Variants in PRKG1 observed in about 807,000 individuals in gnomAD.
PRKG1 encodes the protein protein kinase cGMP-dependent 1, also known as cGMP-dependent protein kinase 1.
A neutral mutation model predicts 88.1 loss-of-function variants in PRKG1; 35 were observed. That is an observed-to-expected ratio of 0.40 (90% CI 0.30 to 0.53). The LOEUF is 0.53. Among genes scored for constraint, PRKG1 ranks in the 20% least tolerant of loss-of-function variants. The pLI is 0.59. For missense variants in PRKG1, 540 were observed against 839.8 expected, an observed-to-expected ratio of 0.64 and a Z score of 4.41; for synonymous variants, 303 against 292.5, an observed-to-expected ratio of 1.04 and a Z score of -0.37.
chr10:51,392,470 T>A (rs1320373173), intron 2 of PRKG1, among the ~76,000 whole-genome samples: 1 of 152,182 alleles, frequency 6.6e-6, no homozygotes, highest in Non-Finnish European at 1.5e-5. Context: ...ATCCACAGGA[T>A]CCCATGGCAG....
At chr10:51,773,468 G>T (rs892805674) in intron 3 of PRKG1, among the ~76,000 whole-genome samples, 2 of 151,942 alleles carry the variant, frequency 1.3e-5, no homozygotes, top group Non-Finnish European at 2.9e-5. Context: ...GACTGTAATT[G>T]TATCTTTCTG....
intron 9 of PRKG1, among the ~76,000 whole-genome samples, chr10:52,205,364 T>C (rs556065135): frequency 3.3e-5 from 5 of 152,188 alleles, no homozygotes; most frequent in African/African-American, 1.2e-4. Flanking sequence ...CCTGCCGATA[T>C]GTGATGTGTC....
At chr10:51,978,178 C>T (rs566594360) in intron 5 of PRKG1, among the ~76,000 whole-genome samples, 1 of 124,338 alleles carries the variant, frequency 8.0e-6, no homozygotes, top group Admixed American at 7.8e-5. Context: ...GCTAGTTATT[C>T]CAGCACCATT....
intron 3 of PRKG1, among the ~76,000 whole-genome samples, chr10:51,746,478 T>C (rs61113344): frequency 0.011 from 1,641 of 151,936 alleles, 32 homozygotes; most frequent in African/African-American, 0.038. Flanking sequence ...CCTTAGCACT[T>C]TGGGAGGCCG....
chr10:51,529,500 T>C (rs1841962153), intron 3 of PRKG1, among the ~76,000 whole-genome samples: 1 of 152,180 alleles, frequency 6.6e-6, no homozygotes, highest in Admixed American at 6.5e-5. Context: ...CCTGCTCACT[T>C]CTTTATAGCC....
intron 1 of PRKG1, among the ~76,000 whole-genome samples, chr10:50,999,506 G>GA (rs756721145): frequency 2.1e-4 from 32 of 152,082 alleles, no homozygotes; most frequent in Non-Finnish European, 3.2e-4. Flanking sequence ...GTCCAATTTA[G>GA]AGAGTACTTT....
intron 2 of PRKG1, among the ~76,000 whole-genome samples, chr10:51,361,952 A>G (rs562573620): frequency 6.6e-6 from 1 of 152,028 alleles, no homozygotes; most frequent in African/African-American, 2.4e-5. Context: ...TAGAAATCTT[A>G]GATCTGTTTT....
chr10:51,934,457 T>C (rs1050705877), intron 5 of PRKG1, among the ~76,000 whole-genome samples: 5 of 152,182 alleles, frequency 3.3e-5, no homozygotes, highest in East Asian at 1.9e-4. Context: ...TCATTTTGCA[T>C]TCGTTAAGAT....
intron 3 of PRKG1, among the ~76,000 whole-genome samples, chr10:51,628,687 C>CG (rs1045376763): frequency 6.6e-6 from 1 of 152,040 alleles, no homozygotes; most frequent in Non-Finnish European, 1.5e-5. Flanking sequence ...TGGCCGGGCG[C>CG]GGTGGCTCAC....
At chr10:51,816,265 G>C (rs186416011) in intron 4 of PRKG1, among the ~76,000 whole-genome samples, 2 of 152,134 alleles carry the variant, frequency 1.3e-5, no homozygotes, top group East Asian at 3.9e-4. Flanking sequence ...TCATTATGCT[G>C]GCCTCCCCCT....
At chr10:51,301,626 G>T (rs1840889698) in intron 2 of PRKG1, among the ~76,000 whole-genome samples, 1 of 152,200 alleles carries the variant, frequency 6.6e-6, no homozygotes, top group Admixed American at 6.5e-5. Flanking sequence ...ATTGGGAATA[G>T]GTCAGGGTGC....
intron 3 of PRKG1, among the ~76,000 whole-genome samples, chr10:51,620,928 G>A (rs950312017): frequency 2.7e-5 from 4 of 150,168 alleles, no homozygotes; most frequent in Admixed American, 2.0e-4. Flanking sequence ...GGAATCCACT[G>A]CAATTTCAAA....
chr10:51,161,489 G>A (rs1199325056), intron 2 of PRKG1, among the ~76,000 whole-genome samples: 1 of 152,200 alleles, frequency 6.6e-6, no homozygotes. Flanking sequence ...GGTATTACTG[G>A]TGGAAATGAG....
Position 51,310,108 on chromosome 10 carries a change from T to C in PRKG1, c.478+156778T>C, listed in dbSNP as rs2132487133. ...AGACTAAAAGGTGAGGGAGTAGAAT[T>C]GGGGGTAGATGTTGAGAAATTACCT... is the stretch of plus-strand genomic sequence containing the variant. On this transcript the variant is annotated intron_variant, in intron 2 of 17. Coordinates refer to ENST00000373980, the MANE Select transcript of PRKG1 (RefSeq NM_006258.4). Among the ~76,000 whole-genome samples, 4 of 152,262 alleles carry C rather than the reference T, an allele frequency of 2.6e-5. No individual in the cohort carries two copies. The South Asian group carries it at 8.3e-4, about 32-fold the overall frequency.
chr10:51,604,908 AG>A (rs1195224797), intron 3 of PRKG1, among the ~76,000 whole-genome samples: 4 of 152,226 alleles, frequency 2.6e-5, no homozygotes, highest in African/African-American at 7.2e-5. Flanking sequence ...TTGCAAGGAC[AG>A]GGGGCCATTG....
At chr10:51,961,394 AG>A (rs112786422) in intron 5 of PRKG1, among the ~76,000 whole-genome samples, 44,234 of 151,860 alleles carry the variant, frequency 0.29, 6,855 homozygotes, top group African/African-American at 0.35. Context: ...TTGAAAAAAA[AG>A]AATCTGCATT....
intron 2 of PRKG1, among the ~76,000 whole-genome samples, chr10:51,418,185 T>C (rs1838297522): frequency 1.3e-5 from 2 of 152,322 alleles, no homozygotes; most frequent in Middle Eastern, 3.4e-3. Context: ...CTCATGTATC[T>C]CATAAGAATT....
intron 5 of PRKG1, among the ~76,000 whole-genome samples, chr10:51,925,688 C>T (rs6480593): frequency 0.2 from 30,772 of 151,944 alleles, 5,137 homozygotes; most frequent in African/African-American, 0.46. Context: ...ATCACTTTTC[C>T]CCTAGATTTA....
intron 2 of PRKG1, among the ~76,000 whole-genome samples, chr10:51,313,949 A>G (rs1841256592): frequency 6.6e-6 from 1 of 152,168 alleles, no homozygotes; most frequent in African/African-American, 2.4e-5. Context: ...GGATGAATCC[A>G]TGGGTGTGGA....
Sources: allele counts gnomAD v4.1 joint callset (sites outside exome capture counted in the v4.1 genomes callset), GRCh38; gene constraint gnomAD v4.1.1; transcripts MANE v1.5; gene names NCBI Gene and HGNC (gene_info 2026-07-23, HGNC 2026-07-21).